CAMTA1: variants seen among roughly 807,000 people sequenced by gnomAD.
CAMTA1 encodes calmodulin binding transcription activator 1.
CAMTA1 carries 27 observed loss-of-function variants against 170.9 expected under a neutral mutation model. The ratio of observed to expected loss-of-function variants is 0.16; its 90% confidence interval spans 0.12 to 0.22. CAMTA1 has a LOEUF of 0.22. CAMTA1 is among the 10% of genes least tolerant of loss of function. The pLI, the probability that CAMTA1 is intolerant of heterozygous loss-of-function variation, is 1.00. For missense variants in CAMTA1, 1,619 were observed against 2,217.2 expected, an observed-to-expected ratio of 0.73 and a Z score of 5.42; for synonymous variants, 833 against 891.5, an observed-to-expected ratio of 0.93 and a Z score of 1.17.
intron 5 of CAMTA1, among the ~76,000 whole-genome samples, chr1:7,406,172 G>T (rs1008008477): frequency 1.3e-5 from 2 of 152,254 alleles, no homozygotes; most frequent in African/African-American, 4.8e-5. Flanking sequence ...GGCTCCAGAG[G>T]ATGAGAAGGG....
At chr1:7,303,280 A>G (rs1405408686) in intron 5 of CAMTA1, among the ~76,000 whole-genome samples, 2 of 152,254 alleles carry the variant, frequency 1.3e-5, no homozygotes, top group East Asian at 3.9e-4. Flanking sequence ...TTTGAATTAA[A>G]GAAACATTGA....
At chr1:6,855,846 G>C (rs1212381711) in intron 3 of CAMTA1, among the ~76,000 whole-genome samples, 1 of 152,204 alleles carries the variant, frequency 6.6e-6, no homozygotes, top group Non-Finnish European at 1.5e-5. Flanking sequence ...GGTAGAGTCT[G>C]CAAGGAAGAG....
At chr1:6,882,727 G>A (rs1671966442) in intron 3 of CAMTA1, among the ~76,000 whole-genome samples, 1 of 152,050 alleles carries the variant, frequency 6.6e-6, no homozygotes, top group Non-Finnish European at 1.5e-5. Context: ...AGTGTTTTCA[G>A]CATATAGGGG....
chr1:7,683,027 T>C (rs1283528674), intron 11 of CAMTA1, among the ~76,000 whole-genome samples: 2 of 151,848 alleles, frequency 1.3e-5, no homozygotes, highest in Non-Finnish European at 2.9e-5. Context: ...AAAACAAAAT[T>C]AGCCGGGCGT....
chr1:7,032,844 G>A (rs56326896), intron 3 of CAMTA1, among the ~76,000 whole-genome samples: 1 of 151,796 alleles, frequency 6.6e-6, no homozygotes, highest in Non-Finnish European at 1.5e-5. Flanking sequence ...GATAGTTTTT[G>A]TTTTTTCTCT....
intron 6 of CAMTA1, among the ~76,000 whole-genome samples, chr1:7,623,758 G>A (rs900672880): frequency 3.9e-5 from 6 of 152,284 alleles, no homozygotes; most frequent in East Asian, 1.9e-4. Context: ...TCGGCCTCCC[G>A]AGGTGCTGGG....
chr1:7,349,637 T>C (rs921267447), intron 5 of CAMTA1, among the ~76,000 whole-genome samples: 12 of 152,140 alleles, frequency 7.9e-5, no homozygotes, highest in African/African-American at 2.9e-4. Context: ...TCTCTCAGGG[T>C]CTTCCCTCTG....
intron 6 of CAMTA1, among the ~76,000 whole-genome samples, chr1:7,505,766 C>T (rs936680417): frequency 1.3e-5 from 2 of 152,190 alleles, no homozygotes; most frequent in Non-Finnish European, 2.9e-5. Flanking sequence ...TGAGCAGGGT[C>T]CACTGTACCT....
In CAMTA1 at chr1:7,642,283, CTGCACAG is replaced by C. The variant is rs2095768518; in HGVS notation, c.664+1734_664+1740del. Among the ~76,000 whole-genome samples the C allele has an allele frequency of 1.3e-5, 2 of 152,226 alleles. No individual in the cohort carries two copies. Among genetic ancestry groups the C allele is most frequent in the Non-Finnish European group, 2.9e-5 (2 of 68,042 alleles). ...TGCCCTTGGGAAGCCCTCCGGCTCT[CTGCACAG>C]TGCTGGGTGTGCACAAGGCCCTGGA... is the stretch of plus-strand genomic sequence containing the variant. On this transcript the variant is annotated intron_variant, in intron 7 of 22. Coordinates refer to ENST00000303635, the MANE Select transcript of CAMTA1 (RefSeq NM_015215.4). This position sits in a 1 kb window ranked among gnomAD's most constrained non-coding sequence, Gnocchi z 6.3.
In CAMTA1 at chr1:6,948,181, G is replaced by A. The variant is rs116159973; in HGVS notation, c.234+122971G>A. Among the ~76,000 whole-genome samples the A allele has an allele frequency of 1.5e-3, 226 of 152,320 alleles. 1 individual carries two copies. Among genetic ancestry groups the A allele is most frequent in the African/African-American group, 5.0e-3 (208 of 41,564 alleles). Reference sequence around the variant, plus strand: ...GGGTAAGTAAGTTGCCCAAGGGTGTGTTACAGCCGAAGAGCTGTGGGGCCA... The same window carrying A: ...GGGTAAGTAAGTTGCCCAAGGGTGTATTACAGCCGAAGAGCTGTGGGGCCA... On this transcript the variant is annotated intron_variant, in intron 3 of 22. Transcript: ENST00000303635.
chr1:7,275,162 A>AG (rs1670397835), intron 5 of CAMTA1, among the ~76,000 whole-genome samples: 4 of 150,064 alleles, frequency 2.7e-5, no homozygotes, highest in Admixed American at 1.3e-4. Context: ...AAAAAAAAAA[A>AG]AGAAGAAAGA....
At chr1:6,842,892 C>A (rs1656453551) in intron 3 of CAMTA1, among the ~76,000 whole-genome samples, 1 of 151,558 alleles carries the variant, frequency 6.6e-6, no homozygotes, top group East Asian at 1.9e-4. Context: ...CCATTGCACT[C>A]CAGCCTGGGT....
At chr1:7,636,421 T>C (rs1368584200) in intron 6 of CAMTA1, among the ~76,000 whole-genome samples, 1 of 152,150 alleles carries the variant, frequency 6.6e-6, no homozygotes, top group East Asian at 1.9e-4. Context: ...AACCTGTGTT[T>C]AGAAAGGCTT....
intron 5 of CAMTA1, among the ~76,000 whole-genome samples, chr1:7,281,744 A>T (rs915787058): frequency 6.6e-6 from 1 of 151,508 alleles, no homozygotes; most frequent in East Asian, 1.9e-4. Context: ...TCATTGCAAA[A>T]TTTTCCAAAT....
intron 4 of CAMTA1, among the ~76,000 whole-genome samples, chr1:7,130,832 T>C (rs2148532638): frequency 6.6e-6 from 1 of 152,366 alleles, no homozygotes; most frequent in East Asian, 1.9e-4. Flanking sequence ...ATCTTTTGCC[T>C]CTTTAAAAAA....
chr1:7,552,798 A>G (rs922607112), intron 6 of CAMTA1, among the ~76,000 whole-genome samples: 1 of 152,224 alleles, frequency 6.6e-6, no homozygotes, highest in Non-Finnish European at 1.5e-5. Context: ...CCCCTGCCAC[A>G]GCTCCCGGGA....
chr1:7,357,698 T>C (rs2085230641), intron 5 of CAMTA1, among the ~76,000 whole-genome samples: 1 of 152,084 alleles, frequency 6.6e-6, no homozygotes, highest in African/African-American at 2.4e-5. Context: ...TTATTATTAT[T>C]TTTATACAGA....
intron 4 of CAMTA1, among the ~76,000 whole-genome samples, chr1:7,152,381 G>A (rs1006120329): frequency 2.6e-5 from 4 of 152,172 alleles, no homozygotes; most frequent in Admixed American, 6.5e-5. Flanking sequence ...AGCCCTCCAG[G>A]GAAGGCAAAT....
intron 5 of CAMTA1, among the ~76,000 whole-genome samples, chr1:7,276,171 AT>A (rs1453160891): frequency 6.9e-6 from 1 of 144,560 alleles, no homozygotes; most frequent in Non-Finnish European, 1.5e-5. Context: ...AAAAGATATA[AT>A]TCCATACCCA....
Sources: gnomAD v4.1 joint callset for allele counts (sites outside exome capture counted in the v4.1 genomes callset) on GRCh38, gnomAD v4.1.1 for gene constraint, Gnocchi (gnomAD v3.1) non-coding constraint, MANE v1.5 for transcripts, NCBI Gene and HGNC (gene_info 2026-07-23, HGNC 2026-07-21) for gene names.